NOC3L: variants seen among roughly 807,000 people sequenced by gnomAD.
The protein encoded by NOC3L is NOC3 like DNA replication regulator.
A neutral mutation model predicts 102.5 loss-of-function variants in NOC3L; 85 were observed. That is an observed-to-expected ratio of 0.83 (90% CI 0.70 to 0.99). NOC3L has a LOEUF of 0.99. Among genes scored for constraint, NOC3L ranks in the 50% least tolerant of loss-of-function variants. The probability of loss-of-function intolerance (pLI) is 0.00; values close to 1 mark genes in which losing one functional copy is unlikely to be tolerated. For missense variants in NOC3L, 878 were observed against 914.9 expected, an observed-to-expected ratio of 0.96 and a Z score of 0.52; for synonymous variants, 303 against 309.4, an observed-to-expected ratio of 0.98 and a Z score of 0.22.
the NOC3L span, among the ~76,000 whole-genome samples, chr10:94,323,166 T>C: frequency 1.3e-5 from 2 of 152,124 alleles, no homozygotes; most frequent in Admixed American, 6.5e-5. Flanking sequence ...AGAGGACAAG[T>C]AGGAGGCCTA....
At chr10:94,358,775 C>G (rs1357052711) in intron 2 of NOC3L, among the ~76,000 whole-genome samples, 1 of 152,188 alleles carries the variant, frequency 6.6e-6, no homozygotes, top group Admixed American at 6.5e-5. Context: ...AATTATGTAA[C>G]CTTTCAATCC....
In NOC3L at chr10:94,357,321, G is replaced by A; in HGVS notation, c.361C>T (p.His121Tyr). The change falls in exon 4 of 21, where the codon CAT becomes TAT. Residue 121 changes from histidine (H) to tyrosine (Y), a missense_variant. Physicochemically the swap from His to Tyr is moderately conservative, Grantham distance 83 (BLOSUM62 2). Transcript: ENST00000371361. ...CGTTCATGCTTCCGTTTCTTCGCATGAACAGGCTCACTGCAGGGGAAAAAA... is the reference window on the plus strand; with the variant it reads ...CGTTCATGCTTCCGTTTCTTCGCATAAACAGGCTCACTGCAGGGGAAAAAA... ...TRDLSSSEPV[H>Y]AKKRKHERII... 2 of 1,593,826 alleles carry A rather than the reference G, an allele frequency of 1.3e-6. No homozygotes were observed. The highest frequency in any genetic ancestry group is 2.3e-5 in the South Asian group (2 of 86,678).
the NOC3L span, among the ~76,000 whole-genome samples, chr10:94,319,032 A>T: frequency 6.6e-6 from 1 of 152,164 alleles, no homozygotes; most frequent in East Asian, 1.9e-4. Flanking sequence ...TGGGTGACAG[A>T]GCAAGACTTC....
intron 14 of NOC3L, 63 bp from the exon 15 acceptor site, chr10:94,340,559 A>G: frequency 7.0e-7 from 1 of 1,427,812 alleles, no homozygotes; most frequent in South Asian, 1.2e-5. Context: ...TGCCATTTAT[A>G]GCTTTAAAAA....
At chr10:94,351,443 G>C (rs1341829747) in intron 8 of NOC3L, among the ~76,000 whole-genome samples, 9 of 152,156 alleles carry the variant, frequency 5.9e-5, no homozygotes, top group Admixed American at 5.9e-4. Flanking sequence ...TTTCTGAAGA[G>C]TTTAAGAGTT....
At chr10:94,337,384 G>A (rs574661526) in intron 19 of NOC3L, among the ~76,000 whole-genome samples, 34 of 150,808 alleles carry the variant, frequency 2.3e-4, no homozygotes, top group Middle Eastern at 3.5e-3. Flanking sequence ...CCGAGCGAGC[G>A]AGAAAGCAAG....
chr10:94,338,842 A>G (rs1229044631), intron 17 of NOC3L, 106 bp from the exon 18 acceptor site: 1 of 932,636 alleles, frequency 1.1e-6, no homozygotes, highest in Non-Finnish European at 1.5e-6. Flanking sequence ...GTTGTATAAG[A>G]GCTTTGCATA....
intron 18 of NOC3L, 97 bp from the exon 19 acceptor site, chr10:94,337,971 A>AT (rs1052308682): frequency 2.4e-5 from 20 of 841,570 alleles, no homozygotes; most frequent in African/African-American, 3.4e-5. Flanking sequence ...ATTACACCAA[A>AT]TTTTTTTTCA....
At chr10:94,316,431 T>C in the NOC3L span, 1 of 705,876 alleles carries the variant, frequency 1.4e-6, no homozygotes, top group Non-Finnish European at 2.6e-6. Flanking sequence ...AATTATGCAA[T>C]ACTCTAGAGT....
At chr10:94,350,330 A>T in intron 8 of NOC3L, 42 bp from the exon 9 acceptor site, 1 of 1,558,304 alleles carries the variant, frequency 6.4e-7, no homozygotes, top group Non-Finnish European at 8.8e-7. Flanking sequence ...CATTGGTCAA[A>T]AGTTAAACTA....
At chr10:94,338,166 A>C (rs190187123) in intron 18 of NOC3L, among the ~76,000 whole-genome samples, 13 of 152,350 alleles carry the variant, frequency 8.5e-5, no homozygotes, top group Admixed American at 7.8e-4. Context: ...AATTTACAAC[A>C]GGTTACCTGC....
At chr10:94,315,492 T>C in the NOC3L span, 2 of 455,974 alleles carry the variant, frequency 4.4e-6, no homozygotes, top group Non-Finnish European at 4.4e-6. Flanking sequence ...GAAAATACAT[T>C]GGTAAAACTA....
chr10:94,329,003 C>T (rs1309409420), downstream of NOC3L: 1 of 152,278 alleles, frequency 6.6e-6, no homozygotes, highest in East Asian at 1.9e-4. Flanking sequence ...TTTGTACTGA[C>T]ACTATACTTA....
intron 14 of NOC3L, among the ~76,000 whole-genome samples, chr10:94,341,001 T>A (rs1359229218): frequency 2.9e-5 from 4 of 138,090 alleles, no homozygotes; most frequent in East Asian, 2.1e-4. Flanking sequence ...AAAAAAAAAA[T>A]TTCTACAAAA....
chr10:94,353,616 T>C (rs892370059), intron 6 of NOC3L, among the ~76,000 whole-genome samples: 2 of 152,124 alleles, frequency 1.3e-5, no homozygotes, highest in African/African-American at 4.8e-5. Context: ...AACATAAGAT[T>C]TGGAGGGGAC....
At chr10:94,362,659 G>T (rs2054565309) in intron 1 of NOC3L, among the ~76,000 whole-genome samples, 171 bp downstream of exon 1, 1 of 152,136 alleles carries the variant, frequency 6.6e-6, no homozygotes, top group Admixed American at 6.5e-5. Context: ...AGTGGTGCGC[G>T]CACACAGTGG....
In NOC3L at chr10:94,361,735, T is replaced by C. The variant is rs748247029; in HGVS notation, c.147A>G (p.Leu49=). Residue 49 remains leucine, a synonymous_variant, in exon 2 of 21, where the codon CTA becomes CTG. Transcript: ENST00000371361. ...LKKYRKEQRK[L]RQAVKDAVSK... ...ACACAGCATCTTTCACAGCTTGCCT[T>C]AGTTTCCTCTGTTCTTTTCGGTACT... The C allele has an allele frequency of 7.4e-6, 12 of 1,614,060 alleles. No individual in the cohort carries two copies. The highest frequency in any genetic ancestry group is 1.3e-5 in the African/African-American group (1 of 74,946).
Position 94,340,308 on chromosome 10 carries a change from T to C in NOC3L, c.1748A>G (p.His583Arg), listed in dbSNP as rs2054267314. The stretch of plus-strand genomic sequence containing the variant: ...TAATTTGAACAGTGTTTTGTAGAGA[T>C]GTGTGTAGAATTTCAATGGATCAAT... ...LNIDPLKFYT[H>R]LYKTLFKLHA... Residue 583 changes from histidine to arginine, a missense_variant, in exon 16 of 21, where the codon CAT becomes CGT. Transcript: ENST00000371361. 6.2e-7 allele frequency: 1 copy of C among 1,612,592 alleles called. No homozygotes were observed. Among genetic ancestry groups the C allele is most frequent in the Non-Finnish European group, 8.5e-7 (1 of 1,179,288 alleles).
chr10:94,348,301 G>A (rs983815794), intron 10 of NOC3L, among the ~76,000 whole-genome samples: 4 of 151,512 alleles, frequency 2.6e-5, no homozygotes, highest in East Asian at 3.9e-4. Context: ...TGGGATTGAG[G>A]AGACTATGTG....
Sources: allele counts gnomAD v4.1 joint callset (sites outside exome capture counted in the v4.1 genomes callset), GRCh38; gene constraint gnomAD v4.1.1; transcripts MANE v1.5; gene names NCBI Gene and HGNC (gene_info 2026-07-23, HGNC 2026-07-21).